Variants in NAA60 observed in about 807,000 individuals in gnomAD.
The protein encoded by NAA60 is N-alpha-acetyltransferase 60, NatF catalytic subunit.
In NAA60, 8 loss-of-function variants were observed where a neutral mutation model predicts 26.1. The ratio of observed to expected loss-of-function variants is 0.31; its 90% CI spans 0.18 to 0.55. NAA60 has a LOEUF of 0.55. NAA60 is among the 20% of genes least tolerant of loss of function. NAA60 has a pLI of 0.93. For missense variants in NAA60, 290 were observed against 311.3 expected (o/e 0.93, Z 0.51); for synonymous variants, 131 against 122.5 (o/e 1.07, Z -0.46).
intron 4 of NAA60, among the ~76,000 whole-genome samples, chr16:3,479,930 G>A (rs191553539): frequency 6.6e-6 from 1 of 152,340 alleles, no homozygotes; most frequent in East Asian, 1.9e-4. Context: ...TGGCGGCAGT[G>A]TCATAGAAAC....
intron 2 of NAA60, among the ~76,000 whole-genome samples, chr16:3,463,824 A>G (rs941170784): frequency 6.6e-6 from 1 of 152,160 alleles, no homozygotes; most frequent in Non-Finnish European, 1.5e-5. Context: ...TGGGCAACAT[A>G]GTGAGATCCT....
At chr16:3,475,679 G>A (rs772134168) in intron 2 of NAA60, among the ~76,000 whole-genome samples, 1 of 152,218 alleles carries the variant, frequency 6.6e-6, no homozygotes, top group African/African-American at 2.4e-5. Context: ...GCTGGGCGGG[G>A]AGGAGAAATT....
At chr16:3,453,259 A>C (rs1255486786) in intron 2 of NAA60, among the ~76,000 whole-genome samples, 3 of 152,008 alleles carry the variant, frequency 2.0e-5, no homozygotes, top group Non-Finnish European at 4.4e-5. Context: ...TTAGCTGGGC[A>C]TGGTGGCATG....
chr16:3,485,675 G>A lies in NAA60; in HGVS notation c.*415G>A, dbSNP rs761057815. ...GGACTTTCTCCTGCAAGGGAGGAAC[G>A]CAAGTATTATGGACACACTTGACCG... On this transcript the variant is annotated 3_prime_UTR_variant, in exon 8 of 8. Transcript: ENST00000407558. 19 of 456,644 alleles carry A rather than the reference G, an allele frequency of 4.2e-5. No homozygotes were observed. Among genetic ancestry groups the A allele is most frequent in the South Asian group, 2.6e-4 (17 of 64,576 alleles). 28.3% of individuals were successfully genotyped at this position (456,644 alleles called of 1,614,324 possible). A position where few individuals can be genotyped will look rare whatever the true frequency, so the allele number is the denominator to read the frequency against.
intron 2 of NAA60, among the ~76,000 whole-genome samples, chr16:3,452,502 A>G (rs1017107650): frequency 6.6e-6 from 1 of 151,762 alleles, no homozygotes; most frequent in Non-Finnish European, 1.5e-5. Flanking sequence ...TAAAAATACA[A>G]AAAATTAACC....
chr16:3,472,018 G>A (rs2036179723), intron 2 of NAA60: 1 of 152,208 alleles, frequency 6.6e-6, no homozygotes, highest in African/African-American at 2.4e-5. Flanking sequence ...TTAGCCCTTA[G>A]GGGAAAGGGG....
At chr16:3,450,366 G>T (rs1384387699) in intron 2 of NAA60, among the ~76,000 whole-genome samples, 1 of 152,172 alleles carries the variant, frequency 6.6e-6, no homozygotes, top group African/African-American at 2.4e-5. Context: ...TAGGAAGGCT[G>T]GTTTTGGAAG....
chr16:3,467,949 G>A (rs909669602), intron 2 of NAA60: 3 of 152,258 alleles, frequency 2.0e-5, no homozygotes, highest in South Asian at 2.1e-4. Flanking sequence ...TAGGGTGGGA[G>A]CAGGCCCTGG....
Position 3,453,069 on chromosome 16 carries a change from T to C in NAA60, c.-7+4529T>C, listed in dbSNP as rs368079064. 3.9e-5 allele frequency among the ~76,000 whole-genome samples: 6 copies of C among 152,304 alleles called. No individual in the cohort carries two copies. The East Asian group carries it at 7.7e-4, about 20-fold the overall frequency. Reference sequence around the variant, plus strand: ...GTATGAGAATAAATTGGTAAAACTTTCTGGCAGGCAATCTAGGGTTTGTTT... The same window carrying C: ...GTATGAGAATAAATTGGTAAAACTTCCTGGCAGGCAATCTAGGGTTTGTTT... On this transcript the variant is annotated intron_variant, in intron 2 of 7. Transcript: ENST00000407558.
chr16:3,451,879 C>A (rs1329644075), intron 2 of NAA60, among the ~76,000 whole-genome samples: 1 of 151,482 alleles, frequency 6.6e-6, no homozygotes, highest in African/African-American at 2.4e-5. Context: ...GACCACACGA[C>A]TGCATTCCAG....
intron 2 of NAA60, chr16:3,449,933 G>A (rs1371707208): frequency 7.6e-6 from 3 of 396,196 alleles, no homozygotes; most frequent in Non-Finnish European, 1.3e-5. Flanking sequence ...CCCCAGCCAC[G>A]TGGAACTGTA....
chr16:3,443,923 G>C (rs1460655945), intron 1 of NAA60, 86 bp downstream of exon 1: 2 of 1,457,544 alleles, frequency 1.4e-6, no homozygotes, highest in East Asian at 5.1e-5. Flanking sequence ...TTCGGGCCTA[G>C]CCTGGGCTTG....
At chr16:3,453,984 GT>G (rs2034882515) in intron 2 of NAA60, among the ~76,000 whole-genome samples, 1 of 152,154 alleles carries the variant, frequency 6.6e-6, no homozygotes, top group Admixed American at 6.5e-5. Flanking sequence ...ATCACCTGGG[GT>G]TGGATACTGG....
At chr16:3,468,702 G>A (rs1260921947) in intron 2 of NAA60, among the ~76,000 whole-genome samples, 2 of 152,212 alleles carry the variant, frequency 1.3e-5, no homozygotes, top group Non-Finnish European at 2.9e-5. Flanking sequence ...GGAGAACTGC[G>A]ATGCAGACCC....
At chr16:3,483,639 C>T (rs1178590350) in intron 6 of NAA60, 42 bp downstream of exon 6, 2 of 1,511,398 alleles carry the variant, frequency 1.3e-6, no homozygotes, top group Non-Finnish European at 1.8e-6. Context: ...GGCTTCCTGT[C>T]CATAAGGTGG....
rs181143283 is a variant in NAA60, at chr16:3,465,426, C to T, written c.-6-10796C>T. ...TCTCTGTTCTTCCTCATCCCTTCTTCGTCCTTGTCATCGCCACTTCTGACA... is the reference window on the plus strand; with the variant it reads ...TCTCTGTTCTTCCTCATCCCTTCTTTGTCCTTGTCATCGCCACTTCTGACA... On this transcript the variant is annotated intron_variant, in intron 2 of 7. Transcript: ENST00000407558. Among the ~76,000 whole-genome samples, 63 of 152,314 alleles carry T rather than the reference C, an allele frequency of 4.1e-4. 1 individual carries two copies. The highest frequency in any genetic ancestry group is 1.3e-3 in the African/African-American group (52 of 41,572).
chr16:3,485,988 C>G lies in NAA60; in HGVS notation c.*728C>G. On this transcript the variant is annotated 3_prime_UTR_variant, in exon 8 of 8. Transcript: ENST00000407558. ...ACACTGCCCGTCGGACCTTGGCATG[C>G]TCCATTCAGCTGACCTGCTGAGGAC... 1 of 283,722 alleles carries G rather than the reference C, an allele frequency of 3.5e-6. No individual in the cohort carries two copies. The highest frequency in any genetic ancestry group is 7.0e-6 in the Non-Finnish European group (1 of 143,150). 17.6% of individuals were successfully genotyped at this position (283,722 alleles called of 1,614,324 possible).
chr16:3,465,285 A>G (rs2035676485), intron 2 of NAA60, among the ~76,000 whole-genome samples: 1 of 148,164 alleles, frequency 6.7e-6, no homozygotes, highest in African/African-American at 2.6e-5. Flanking sequence ...AAAAAAAAAG[A>G]AAAGAAAAAA....
chr16:3,471,126 C>A (rs1376135345), intron 2 of NAA60, among the ~76,000 whole-genome samples: 1 of 152,154 alleles, frequency 6.6e-6, no homozygotes, highest in African/African-American at 2.4e-5. Context: ...TGTGCAGTCC[C>A]AGGACATGAG....
Sources: allele counts gnomAD v4.1 joint callset (sites outside exome capture counted in the v4.1 genomes callset), GRCh38; gene constraint gnomAD v4.1.1; transcripts MANE v1.5; gene names NCBI Gene and HGNC (gene_info 2026-07-23, HGNC 2026-07-21).